The following HSPA4L variants were observed in gnomAD, a reference collection of about 807,000 sequenced individuals.
The protein encoded by HSPA4L is heat shock protein family A (Hsp70) member 4 like.
In HSPA4L, 48 loss-of-function variants were observed where a neutral mutation model predicts 100.3. That is an observed-to-expected ratio of 0.48 (90% confidence interval 0.38 to 0.61). The LOEUF is 0.61. Ranked by LOEUF, HSPA4L falls within the 20% of genes least tolerant of loss-of-function variation. The pLI, the probability that HSPA4L is intolerant of heterozygous loss-of-function variation, is 0.00. For missense variants in HSPA4L, 886 were observed against 988.6 expected (o/e 0.90, Z 1.39); for synonymous variants, 319 against 328.2 (o/e 0.97, Z 0.30).
At chr4:127,800,200 G>C (rs892415916) in intron 4 of HSPA4L, among the ~76,000 whole-genome samples, 19 of 152,312 alleles carry the variant, frequency 1.2e-4, no homozygotes, top group African/African-American at 4.1e-4. Flanking sequence ...GCTTATGTCT[G>C]TAACCCTAGT....
chr4:127,803,784 A>T lies in HSPA4L; in HGVS notation c.819A>T (p.Leu273=). Residue 273 remains leucine, a synonymous_variant, in exon 7 of 19, where the codon CTA becomes CTT. Coordinates refer to ENST00000296464, the MANE Select transcript of HSPA4L (RefSeq NM_014278.4). ...GTTTATATCAGGAATGTGAAAAACT[A>T]AAGAAGCTAATGAGTGCAAATGCAT... ...LLRLYQECEK[L]KKLMSANASD... 6.2e-7 allele frequency: 1 copy of T among 1,614,024 alleles called. No homozygotes were observed. Among genetic ancestry groups the T allele is most frequent in the Non-Finnish European group, 8.5e-7 (1 of 1,179,946 alleles).
At chr4:127,831,501 TAA>T (rs770152039) in intron 18 of HSPA4L, among the ~76,000 whole-genome samples, 92 of 103,414 alleles carry the variant, frequency 8.9e-4, no homozygotes, top group Middle Eastern at 5.4e-3. Flanking sequence ...CCTTGTCTAT[TAA>T]AAAAAAAAAA....
At position 127,830,756 on chromosome 4, in the gene HSPA4L, A is replaced by G. The variant is rs945749857; in HGVS notation, c.2285A>G (p.Gln762Arg). The G allele has an allele frequency of 5.6e-6, 9 of 1,601,326 alleles. No individual in the cohort carries two copies. Among genetic ancestry groups the G allele is most frequent in the Non-Finnish European group, 7.7e-6 (9 of 1,175,384 alleles). ...GCACAGAACAAACTAAGTCTCACTCAAGATCCTGTGGTAAAAGTTTCAGAA... is the reference window on the plus strand; with the variant it reads ...GCACAGAACAAACTAAGTCTCACTCGAGATCCTGTGGTAAAAGTTTCAGAA... The part of the protein sequence containing the change: ...MNAQNKLSLT[Q>R]DPVVKVSEIV... The change falls in exon 18 of 19, where the codon CAA becomes CGA. Residue 762 changes from glutamine to arginine, a missense_variant. Transcript: ENST00000296464.
intron 12 of HSPA4L, chr4:127,813,434 T>C (rs1733594456): frequency 2.5e-6 from 1 of 394,946 alleles, no homozygotes; most frequent in Non-Finnish European, 4.5e-6. Flanking sequence ...CGCTTTCTTA[T>C]TTGAATTGAG....
At position 127,811,665 on chromosome 4, in the gene HSPA4L, T is replaced by TG. The variant is rs1024948924; in HGVS notation, c.1578+30dup. 6 of 1,484,340 alleles carry TG rather than the reference T, an allele frequency of 4.0e-6. No homozygotes were observed. The African/African-American group carries it at 8.3e-5, about 21-fold the overall frequency. The allele number at this position is 1,484,340 out of a possible 1,614,324, so 91.9% of individuals were successfully genotyped here. ...TGTAGAAATTCTTTCTCAATGTTCTTGTAATAGATAGTGTATACAGTATAT... is the reference window on the plus strand; with the variant it reads ...TGTAGAAATTCTTTCTCAATGTTCTTGGTAATAGATAGTGTATACAGTATAT... On this transcript the variant is annotated intron_variant, in intron 12 of 18. Transcript: ENST00000296464.
intron 1 of HSPA4L, among the ~76,000 whole-genome samples, chr4:127,787,286 T>G (rs1409131694): frequency 6.6e-6 from 1 of 152,246 alleles, no homozygotes; most frequent in African/African-American, 2.4e-5. Flanking sequence ...ATGGGCATTT[T>G]CTGGTGATGG....
At chr4:127,812,895 T>G (rs1410165963) in intron 12 of HSPA4L, 10 of 904,932 alleles carry the variant, frequency 1.1e-5, no homozygotes, top group Non-Finnish European at 1.6e-5. Context: ...GGAAGCTATC[T>G]CGGCTCTTAG....
chr4:127,783,984 C>T (rs1260047955), intron 1 of HSPA4L, among the ~76,000 whole-genome samples: 5 of 152,144 alleles, frequency 3.3e-5, no homozygotes, highest in Non-Finnish European at 4.4e-5. Context: ...ATAAGGTAAT[C>T]CTCAATAATG....
Position 127,782,655 on chromosome 4 carries a change from C to A in HSPA4L, c.105C>A (p.Thr35=). The part of the protein sequence containing the change: ...TIANEYSDRC[T]PACISLGSRT... The stretch of plus-strand genomic sequence containing the variant: ...CCAATGAGTACAGCGACAGGTGTAC[C>A]CCGTAAGTGCCTCTGCTGAGCATCA... The change falls in exon 1 of 19, where the codon ACC becomes ACA. Residue 35 remains threonine, a splice_region_variant and synonymous_variant. Transcript: ENST00000296464. 2.5e-6 allele frequency: 4 copies of A among 1,600,038 alleles called. No individual in the cohort carries two copies. The highest frequency in any genetic ancestry group is 3.4e-6 in the Non-Finnish European group (4 of 1,169,938).
rs982256641 is a variant in HSPA4L, at chr4:127,834,709, A to C, written c.*1835A>C. On this transcript the variant is annotated 3_prime_UTR_variant, in exon 19 of 19. Coordinates refer to ENST00000296464, the MANE Select transcript of HSPA4L (RefSeq NM_014278.4). ...AAGATAATGAAAGCAAATATGTAACAATACAAGTAGGGACTTTAGAGCTTC... is the reference window on the plus strand; with the variant it reads ...AAGATAATGAAAGCAAATATGTAACCATACAAGTAGGGACTTTAGAGCTTC... 1 of 152,190 alleles carries C rather than the reference A, an allele frequency of 6.6e-6. No homozygotes were observed. The highest frequency in any genetic ancestry group is 1.5e-5 in the Non-Finnish European group (1 of 68,022). The allele number at this position is 152,190 out of a possible 1,614,324, so 9.4% of individuals were successfully genotyped here. A position where few individuals can be genotyped will look rare whatever the true frequency, so the allele number is the denominator to read the frequency against.
chr4:127,840,362 CAGTT>C lies in HSPA4L; in HGVS notation c.*7489_*7492del, dbSNP rs1734338987. 1 of 152,174 alleles carries C rather than the reference CAGTT, an allele frequency of 6.6e-6. No individual in the cohort carries two copies. The highest frequency in any genetic ancestry group is 1.5e-5 in the Non-Finnish European group (1 of 68,042). 9.4% of individuals were successfully genotyped at this position (152,174 alleles called of 1,614,324 possible). ...TACTACATTTGATTTCTCAATTTCT[CAGTT>C]TGTTTTCAATACAAACAGCAACCAC... On this transcript the variant is annotated 3_prime_UTR_variant, in exon 19 of 19. Transcript: ENST00000296464.
chr4:127,803,568 C>T (rs1451633515), intron 6 of HSPA4L, 61 bp from the exon 7 acceptor site: 26 of 1,231,874 alleles, frequency 2.1e-5, no homozygotes, highest in East Asian at 8.7e-5. Context: ...AGAGGTTTTT[C>T]TTTTTTTTTT....
chr4:127,802,574 G>A (rs867222920), intron 6 of HSPA4L, among the ~76,000 whole-genome samples: 2 of 152,120 alleles, frequency 1.3e-5, no homozygotes, highest in Middle Eastern at 6.8e-3. Flanking sequence ...CTTAATCCTT[G>A]GCCTTTAGTC....
At chr4:127,812,820 T>G (rs1733573788) in intron 12 of HSPA4L, 1 of 1,288,740 alleles carries the variant, frequency 7.8e-7, no homozygotes, top group East Asian at 2.3e-5. Flanking sequence ...GGCGCTTTAG[T>G]TGAACCCAGG....
intron 12 of HSPA4L, among the ~76,000 whole-genome samples, chr4:127,817,518 A>G (rs1208889038): frequency 6.6e-6 from 1 of 152,124 alleles, no homozygotes; most frequent in African/African-American, 2.4e-5. Context: ...GAAGGTGACC[A>G]AAAAAATCTA....
chr4:127,782,672 T>G lies in HSPA4L; in HGVS notation c.107+15T>G. The G allele has an allele frequency of 6.4e-7, 1 of 1,566,728 alleles. No individual in the cohort carries two copies. The highest frequency in any genetic ancestry group is 1.1e-5 in the South Asian group (1 of 88,272). ...AGGTGTACCCCGTAAGTGCCTCTGC[T>G]GAGCATCACCTCGACCCTAAGAAAC... On this transcript the variant is annotated intron_variant, in intron 1 of 18. Coordinates refer to ENST00000296464, the MANE Select transcript of HSPA4L (RefSeq NM_014278.4).
In HSPA4L at chr4:127,818,386, A is replaced by G; in HGVS notation, c.1640A>G (p.Glu547Gly). The G allele has an allele frequency of 6.2e-7, 1 of 1,610,340 alleles. No homozygotes were observed. The highest frequency in any genetic ancestry group is 8.5e-7 in the Non-Finnish European group (1 of 1,177,834). ...AAATGTCATGCTGAACACACTCCAG[A>G]AGAGGAAATTGATCATACAGGAGCC... ...HQKCHAEHTP[E>G]EEIDHTGAKT... The change falls in exon 13 of 19, where the codon GAA becomes GGA. Residue 547 changes from glutamate to glycine, a missense_variant. Transcript: ENST00000296464.
intron 13 of HSPA4L, among the ~76,000 whole-genome samples, chr4:127,818,690 C>G (rs1733736213): frequency 1.3e-5 from 2 of 151,244 alleles, no homozygotes; most frequent in African/African-American, 4.9e-5. Flanking sequence ...CATGAGAACA[C>G]ACGGACACAT....
chr4:127,790,905 A>G (rs1448248585), intron 1 of HSPA4L, among the ~76,000 whole-genome samples: 1 of 152,180 alleles, frequency 6.6e-6, no homozygotes, highest in Non-Finnish European at 1.5e-5. Context: ...CAGGTGGATC[A>G]CTTGAGCCTA....
Sources: allele counts gnomAD v4.1 joint callset (sites outside exome capture counted in the v4.1 genomes callset), GRCh38; gene constraint gnomAD v4.1.1; transcripts MANE v1.5; gene names NCBI Gene and HGNC (gene_info 2026-07-23, HGNC 2026-07-21).